The following ILDR2 variants were observed in gnomAD, a reference collection of about 807,000 sequenced individuals.
ILDR2 encodes the protein immunoglobulin-like domain-containing receptor 2.
A neutral mutation model predicts 66.8 loss-of-function variants in ILDR2; 25 were observed. That is an observed-to-expected ratio of 0.37 (90% CI 0.27 to 0.52). The LOEUF is 0.52. Among genes scored for constraint, ILDR2 ranks in the 20% least tolerant of loss-of-function variants. The pLI, the probability that ILDR2 is intolerant of heterozygous loss-of-function variation, is 0.88. For synonymous variants in ILDR2, 367 were observed against 357.2 expected, an observed-to-expected ratio of 1.03 and a Z score of -0.31; for missense variants, 827 against 876.8, an observed-to-expected ratio of 0.94 and a Z score of 0.72.
At chr1:166,944,056 A>G (rs1468799132) in intron 3 of ILDR2, among the ~76,000 whole-genome samples, 1 of 152,244 alleles carries the variant, frequency 6.6e-6, no homozygotes, top group African/African-American at 2.4e-5. Flanking sequence ...GCACACACAC[A>G]AGTGCCAGTT....
chr1:166,935,155 T>A lies in ILDR2; in HGVS notation c.880+146A>T. 3.7e-6 allele frequency: 3 copies of A among 806,900 alleles called. No individual in the cohort carries two copies. The South Asian group carries it at 5.1e-5, about 14-fold the overall frequency. 50.0% of individuals were successfully genotyped at this position (806,900 alleles called of 1,614,324 possible). On this transcript the variant is annotated intron_variant, in intron 6 of 9. Transcript: ENST00000271417. ...AAGCATGAATGTACCCTAAAAGATATCTGACATAGCTGGAAGGATCCCATT... is the reference window on the plus strand; with the variant it reads ...AAGCATGAATGTACCCTAAAAGATAACTGACATAGCTGGAAGGATCCCATT...
At chr1:166,947,781 T>G (rs1345558196) in intron 3 of ILDR2, among the ~76,000 whole-genome samples, 1 of 152,096 alleles carries the variant, frequency 6.6e-6, no homozygotes, top group East Asian at 1.9e-4. Context: ...CCGCCAGGAA[T>G]GCGCGCTAAT....
rs780189949 is a variant in ILDR2 at position 166,935,479 on chromosome 1, T to C, written c.704-2A>G. On this transcript the variant is annotated splice_acceptor_variant, in intron 5 of 9. Coordinates refer to ENST00000271417, the MANE Select transcript of ILDR2 (RefSeq NM_199351.3). LOFTEE classifies it high-confidence loss of function. The stretch of plus-strand genomic sequence containing the variant: ...TTGCTGCTTTCCCTGCTTCATACAC[T>C]GTGGAGGGAGATCAAGAGCAAGAGA... The C allele has an allele frequency of 1.8e-5, 29 of 1,570,180 alleles. No individual in the cohort carries two copies. Among genetic ancestry groups the C allele is most frequent in the Non-Finnish European group, 2.2e-5 (26 of 1,160,022 alleles).
rs1659425702 is a variant in ILDR2 at position 166,909,750 on chromosome 1, T to TATATATATATAA, written c.*9604_*9605insTTATATATATAT. ...GTGTATACATACATATATATATATA[T>TATATATATATAA]ATATATATAAATATATATAAATATA... is the stretch of plus-strand genomic sequence containing the variant. On this transcript the variant is annotated 3_prime_UTR_variant, in exon 10 of 10. Coordinates refer to ENST00000271417, the MANE Select transcript of ILDR2 (RefSeq NM_199351.3). 11 of 108,010 alleles carry TATATATATATAA rather than the reference T, an allele frequency of 1.0e-4. No homozygotes were observed. Among genetic ancestry groups the TATATATATATAA allele is most frequent in the Non-Finnish European group, 1.0e-4 (6 of 57,420 alleles). The allele number at this position is 108,010 out of a possible 1,614,324, so 6.7% of individuals were successfully genotyped here.
At chr1:166,943,299 T>C (rs967613853) in intron 3 of ILDR2, among the ~76,000 whole-genome samples, 2 of 152,062 alleles carry the variant, frequency 1.3e-5, no homozygotes, top group African/African-American at 2.4e-5. Flanking sequence ...GATACCATCC[T>C]GGCTAACACA....
chr1:166,935,372 G>A lies in ILDR2; in HGVS notation c.809C>T (p.Ser270Phe). 6.2e-7 allele frequency: 1 copy of A among 1,614,120 alleles called. No individual in the cohort carries two copies. The highest frequency in any genetic ancestry group is 8.5e-7 in the Non-Finnish European group (1 of 1,180,032). The change falls in exon 6 of 10, where the codon TCT becomes TTT. Residue 270 changes from serine to phenylalanine, a missense_variant. By Grantham distance (155) the Ser-to-Phe change is radical (BLOSUM62 -2). Coordinates refer to ENST00000271417, the MANE Select transcript of ILDR2 (RefSeq NM_199351.3). ...ATGCGGCTTGTCCATCAGCATGCCA[G>A]ATGAGGGGGCTCCTCCCAAAGGGAC... ...PSVPLGGAPSSGMLMDKPHPP... is the reference protein window; with the variant it reads ...PSVPLGGAPSFGMLMDKPHPP...
chr1:166,955,436 T>C (rs1662221062), intron 3 of ILDR2, among the ~76,000 whole-genome samples: 2 of 152,028 alleles, frequency 1.3e-5, no homozygotes, highest in African/African-American at 4.8e-5. Flanking sequence ...AGCAAAACCC[T>C]GTCTCTACTA....
intron 7 of ILDR2, among the ~76,000 whole-genome samples, chr1:166,924,990 T>C (rs930904593): frequency 2.6e-5 from 4 of 152,212 alleles, no homozygotes; most frequent in African/African-American, 7.2e-5. Context: ...CACTCCAGCC[T>C]GGGTGACAGA....
intron 3 of ILDR2, among the ~76,000 whole-genome samples, chr1:166,955,581 C>T (rs527994810): frequency 7.2e-5 from 11 of 152,002 alleles, no homozygotes; most frequent in African/African-American, 1.9e-4. Context: ...CCATCCTGGG[C>T]GACAGAGTGA....
chr1:166,901,150 C>T (rs1194498911), intron 2 of ILDR2, among the ~76,000 whole-genome samples: 1 of 152,214 alleles, frequency 6.6e-6, no homozygotes, highest in African/African-American at 2.4e-5. Context: ...CTACAAGGGG[C>T]TCACACTCTG....
chr1:166,896,988 G>T (rs1448209750), intron 2 of ILDR2, among the ~76,000 whole-genome samples: 1 of 152,140 alleles, frequency 6.6e-6, no homozygotes, highest in Non-Finnish European at 1.5e-5. Flanking sequence ...AATTACATAT[G>T]CAGCTTACAT....
Position 166,911,008 on chromosome 1 carries a change from C to G in ILDR2, c.*8347G>C, listed in dbSNP as rs1233247250. 1.3e-5 allele frequency: 2 copies of G among 152,156 alleles called. No homozygotes were observed. Among genetic ancestry groups the G allele is most frequent in the Non-Finnish European group, 2.9e-5 (2 of 68,036 alleles). 9.4% of individuals were successfully genotyped at this position (152,156 alleles called of 1,614,324 possible). On this transcript the variant is annotated 3_prime_UTR_variant, in exon 10 of 10. Coordinates refer to ENST00000271417, the MANE Select transcript of ILDR2 (RefSeq NM_199351.3). The stretch of plus-strand genomic sequence containing the variant: ...GAACTCCTGGCTCAAGCTATCCTCC[C>G]ACCTTTGTCTCCCTAACTGTTGGGA...
At chr1:166,933,261 T>C (rs1236632848) in intron 6 of ILDR2, among the ~76,000 whole-genome samples, 2 of 152,374 alleles carry the variant, frequency 1.3e-5, no homozygotes, top group East Asian at 3.9e-4. Context: ...AGGGAAAGTC[T>C]GCTGGAAAAG....
At position 166,909,995 on chromosome 1, in the gene ILDR2, T is replaced by G. The variant is rs1038776197; in HGVS notation, c.*9360A>C. On this transcript the variant is annotated 3_prime_UTR_variant, in exon 10 of 10. Transcript: ENST00000271417. ...TCTGGAATTTTCTCCTCTGCTTGGT[T>G]TTTAGAGACAGTGAGAGAGAGAACA... 2.6e-5 allele frequency: 4 copies of G among 151,548 alleles called. No homozygotes were observed. The highest frequency in any genetic ancestry group is 9.7e-5 in the African/African-American group (4 of 41,194). The allele number at this position is 151,548 out of a possible 1,614,324, so 9.4% of individuals were successfully genotyped here. A position where few individuals can be genotyped will look rare whatever the true frequency, so the allele number is the denominator to read the frequency against.
At position 166,912,869 on chromosome 1, in the gene ILDR2, G is replaced by A. The variant is rs1451998443; in HGVS notation, c.*6486C>T. 6.6e-6 allele frequency: 1 copy of A among 152,122 alleles called. No individual in the cohort carries two copies. The highest frequency in any genetic ancestry group is 2.4e-5 in the African/African-American group (1 of 41,392). 9.4% of individuals were successfully genotyped at this position (152,122 alleles called of 1,614,324 possible). On this transcript the variant is annotated 3_prime_UTR_variant, in exon 10 of 10. Coordinates refer to ENST00000271417, the MANE Select transcript of ILDR2 (RefSeq NM_199351.3). ...CCTTCCCCAAGTGTAATTTCTAGCA[G>A]GCATATGCTTGTGCCCCTCTTGGAA... is the stretch of plus-strand genomic sequence containing the variant.
chr1:166,935,419 G>T lies in ILDR2; in HGVS notation c.762C>A (p.Pro254=). 2.5e-6 allele frequency: 4 copies of T among 1,613,244 alleles called. No homozygotes were observed. Among genetic ancestry groups the T allele is most frequent in the Non-Finnish European group, 3.4e-6 (4 of 1,179,592 alleles). The change falls in exon 6 of 10, where the codon CCC becomes CCA. Residue 254 remains proline (P), a synonymous_variant. Coordinates refer to ENST00000271417, the MANE Select transcript of ILDR2 (RefSeq NM_199351.3). ...GGACAGAGGGGATGGAGTAAGGGCC[G>T]GGGACACCGGAGACAGAGGGAGGGT... ...AGYPPSVSGV[P]GPYSIPSVPL...
intron 3 of ILDR2, among the ~76,000 whole-genome samples, chr1:166,941,797 T>C (rs1398402785): frequency 6.6e-6 from 1 of 152,242 alleles, no homozygotes; most frequent in Non-Finnish European, 1.5e-5. Flanking sequence ...TCTCTGGATA[T>C]GCTATGATCC....
intron 1 of ILDR2, among the ~76,000 whole-genome samples, chr1:166,964,996 A>G (rs191337593): frequency 6.6e-6 from 1 of 152,334 alleles, no homozygotes; most frequent in Non-Finnish European, 1.5e-5. Context: ...AGAAACAAAG[A>G]TTGCTGCTAA....
intron 1 of ILDR2, among the ~76,000 whole-genome samples, chr1:166,960,546 G>C (rs1662550209): frequency 6.6e-6 from 1 of 152,172 alleles, no homozygotes; most frequent in Non-Finnish European, 1.5e-5. Context: ...GGCACCTTCA[G>C]AGAGGAGACT....
Sources: allele counts gnomAD v4.1 joint callset (sites outside exome capture counted in the v4.1 genomes callset), GRCh38; gene constraint gnomAD v4.1.1; transcripts MANE v1.5; gene names NCBI Gene and HGNC (gene_info 2026-07-23, HGNC 2026-07-21).